The following PTPRD variants were observed in gnomAD, a reference collection of about 807,000 sequenced individuals.
PTPRD encodes receptor-type tyrosine-protein phosphatase delta.
In PTPRD, 34 loss-of-function variants were observed where a neutral mutation model predicts 214.5. The ratio of observed to expected loss-of-function variants is 0.16; its 90% confidence interval spans 0.12 to 0.21. PTPRD has a LOEUF of 0.21. Among genes scored for constraint, PTPRD ranks in the 10% least tolerant of loss-of-function variants. The pLI, the probability that PTPRD is intolerant of heterozygous loss-of-function variation, is 1.00. For synonymous variants in PTPRD, 1,128 were observed against 845.7 expected (o/e 1.33, Z -5.79); for missense variants, 2,545 against 2,398.7 (o/e 1.06, Z -1.27).
intron 11 of PTPRD, among the ~76,000 whole-genome samples, chr9:8,892,689 G>GTATA (rs78664606): frequency 3.6e-5 from 5 of 140,144 alleles, no homozygotes; most frequent in South Asian, 2.2e-4. Flanking sequence ...ATATATGAGT[G>GTATA]TATATATATA....
chr9:9,101,721 C>T (rs2099791664), intron 10 of PTPRD, among the ~76,000 whole-genome samples: 1 of 152,182 alleles, frequency 6.6e-6, no homozygotes, highest in African/African-American at 2.4e-5. Flanking sequence ...CATGTTACCC[C>T]ACTGAGTTAT....
rs562550293 is a variant in PTPRD, at chr9:8,857,546, G to A, written c.-103-123600C>T. On this transcript the variant is annotated intron_variant, in intron 11 of 45. Transcript: ENST00000381196. ...CGAGCGTGTCGCTCTGGCTCGGGAG[G>A]CGCCGGCAGCCGGAGCCGGGCGCAG... 7.4e-3 allele frequency: 1,124 copies of A among 152,632 alleles called. 16 individuals are homozygous for A. The highest frequency in any genetic ancestry group is 0.026 in the African/African-American group (1,061 of 41,576). The allele number at this position is 152,632 out of a possible 1,614,324, so 9.5% of individuals were successfully genotyped here. A position where few individuals can be genotyped will look rare whatever the true frequency, so the allele number is the denominator to read the frequency against.
chr9:9,572,734 A>G (rs528869875), intron 8 of PTPRD, among the ~76,000 whole-genome samples: 4 of 150,732 alleles, frequency 2.7e-5, no homozygotes, highest in Non-Finnish European at 3.0e-5. Flanking sequence ...ATCTAGTAAG[A>G]AAAAAAAGGC....
intron 3 of PTPRD, among the ~76,000 whole-genome samples, chr9:10,331,128 C>T (rs1314045151): frequency 1.3e-5 from 2 of 151,816 alleles, no homozygotes; most frequent in Admixed American, 6.6e-5. Flanking sequence ...CTCACAATTC[C>T]ATAAGATCTA....
At chr9:9,693,844 C>A (rs184453660) in intron 7 of PTPRD, among the ~76,000 whole-genome samples, 14 of 152,288 alleles carry the variant, frequency 9.2e-5, no homozygotes, top group South Asian at 6.2e-4. Context: ...AGGCTCACTC[C>A]TTTTTTATCA....
At chr9:8,760,602 G>A (rs1217042134) in intron 11 of PTPRD, among the ~76,000 whole-genome samples, 3 of 149,288 alleles carry the variant, frequency 2.0e-5, no homozygotes, top group Non-Finnish European at 4.5e-5. Flanking sequence ...CTCTGTCTGT[G>A]TGTGTGTGTG....
At position 9,275,127 on chromosome 9, in the gene PTPRD, AT is replaced by A. The variant is rs1233749320; in HGVS notation, c.-202-91765del. On this transcript the variant is annotated intron_variant, in intron 9 of 45. Coordinates refer to ENST00000381196, the MANE Select transcript of PTPRD (RefSeq NM_002839.4). Reference sequence around the variant, plus strand: ...AATATATTATATATATATTATATATATTATATATAATATATATATAATATAT... The same window carrying A: ...AATATATTATATATATATTATATATATATATATAATATATATATAATATAT... 1.6e-3 allele frequency among the ~76,000 whole-genome samples: 87 copies of A among 55,214 alleles called. 1 individual carries two copies. Among genetic ancestry groups the A allele is most frequent in the East Asian group, 2.5e-3 (5 of 1,984 alleles). The allele number at this position is 55,214 out of a possible 152,430, so 36.2% of individuals were successfully genotyped here. A position where few individuals can be genotyped will look rare whatever the true frequency, so the allele number is the denominator to read the frequency against.
Position 10,471,835 on chromosome 9 carries a change from C to A in PTPRD, c.-599-130818G>T, listed in dbSNP as rs539899504. ...ATTTTAGCTTTAAAATGAAAACACA[C>A]AAGTAAATTATACCTAGACCATAAT... On this transcript the variant is annotated intron_variant, in intron 2 of 45. Coordinates refer to ENST00000381196, the MANE Select transcript of PTPRD (RefSeq NM_002839.4). Among the ~76,000 whole-genome samples the A allele has an allele frequency of 5.3e-5, 8 of 151,892 alleles. No individual in the cohort carries two copies. The South Asian group carries it at 1.5e-3, about 28-fold the overall frequency.
intron 3 of PTPRD, among the ~76,000 whole-genome samples, chr9:10,162,151 A>AAAAATC (rs2099131104): frequency 6.6e-6 from 1 of 151,632 alleles, no homozygotes; most frequent in South Asian, 2.1e-4. Flanking sequence ...CAATAAATGA[A>AAAAATC]AAAATCACAA....
chr9:9,607,397 A>G (rs949175726), intron 7 of PTPRD, among the ~76,000 whole-genome samples: 1 of 152,184 alleles, frequency 6.6e-6, no homozygotes, highest in Non-Finnish European at 1.5e-5. Flanking sequence ...GAATCTAACA[A>G]ATTAATTCTC....
At chr9:8,913,121 A>G (rs2098759374) in intron 11 of PTPRD, among the ~76,000 whole-genome samples, 1 of 150,940 alleles carries the variant, frequency 6.6e-6, no homozygotes, top group African/African-American at 2.5e-5. Context: ...AATACCACAG[A>G]ATTTTCTTTA....
intron 37 of PTPRD, among the ~76,000 whole-genome samples, chr9:8,378,209 T>A (rs769107937): frequency 6.6e-6 from 1 of 152,102 alleles, no homozygotes; most frequent in Non-Finnish European, 1.5e-5. Flanking sequence ...TAGCCTTCTG[T>A]GTTTTTTATT....
At chr9:9,991,350 T>C (rs925437917) in intron 4 of PTPRD, among the ~76,000 whole-genome samples, 1 of 151,112 alleles carries the variant, frequency 6.6e-6, no homozygotes, top group Non-Finnish European at 1.5e-5. Context: ...ATTCTCTTTA[T>C]CAAAATATAC....
chr9:9,667,356 T>C (rs547811654), intron 7 of PTPRD, among the ~76,000 whole-genome samples: 17 of 152,266 alleles, frequency 1.1e-4, no homozygotes, highest in Middle Eastern at 3.4e-3. Flanking sequence ...CTAGATGTTT[T>C]AATTTTCTTA....
intron 9 of PTPRD, among the ~76,000 whole-genome samples, chr9:9,205,806 T>C (rs1465801048): frequency 6.6e-6 from 1 of 152,206 alleles, no homozygotes; most frequent in Admixed American, 6.5e-5. Flanking sequence ...CCCTAGAAGA[T>C]TGTACATGCA....
chr9:10,327,123 T>C (rs953886589), intron 3 of PTPRD, among the ~76,000 whole-genome samples: 3 of 149,654 alleles, frequency 2.0e-5, no homozygotes, highest in Non-Finnish European at 3.0e-5. Flanking sequence ...CATATATAAA[T>C]ATATTACAGA....
intron 7 of PTPRD, among the ~76,000 whole-genome samples, chr9:9,606,921 C>G (rs12000474): frequency 8.5e-6 from 1 of 118,112 alleles, no homozygotes; most frequent in East Asian, 2.9e-4. Flanking sequence ...ACAGGGCTAT[C>G]TGGAAAGCTA....
At chr9:10,458,735 A>G (rs2098936256) in intron 2 of PTPRD, among the ~76,000 whole-genome samples, 1 of 152,220 alleles carries the variant, frequency 6.6e-6, no homozygotes, top group South Asian at 2.1e-4. Context: ...GTAAAAAAGG[A>G]AGAAGAAAAA....
At chr9:9,932,063 A>G (rs1163877777) in intron 5 of PTPRD, among the ~76,000 whole-genome samples, 17 of 150,576 alleles carry the variant, frequency 1.1e-4, no homozygotes, top group Admixed American at 4.0e-4. Context: ...CATCCACACC[A>G]AAAACCCATC....
Sources: gnomAD v4.1 joint callset for allele counts (sites outside exome capture counted in the v4.1 genomes callset) on GRCh38, gnomAD v4.1.1 for gene constraint, MANE v1.5 for transcripts, NCBI Gene and HGNC (gene_info 2026-07-23, HGNC 2026-07-21) for gene names.